IGFBP7: variants seen among roughly 807,000 people sequenced by gnomAD.
The protein encoded by IGFBP7 is insulin like growth factor binding protein 7.
IGFBP7 carries 31 observed loss-of-function variants against 29.4 expected under a neutral mutation model. That is an observed-to-expected ratio of 1.05 (90% CI 0.79 to 1.42). The LOEUF is 1.42. IGFBP7 is among the 40% of genes most tolerant of loss of function. The pLI is 0.00. For synonymous variants in IGFBP7, 172 were observed against 174.9 expected, an observed-to-expected ratio of 0.98 and a Z score of 0.13; for missense variants, 393 against 395.5, an observed-to-expected ratio of 0.99 and a Z score of 0.05.
intron 1 of IGFBP7, among the ~76,000 whole-genome samples, chr4:57,054,320 C>T (rs1578619441): frequency 2.1e-5 from 1 of 48,564 alleles, no homozygotes; most frequent in Non-Finnish European, 4.8e-5. Context: ...AACAAGAATT[C>T]TAAGCAATCT....
At chr4:57,058,436 T>G (rs181657287) in intron 1 of IGFBP7, among the ~76,000 whole-genome samples, 4 of 152,122 alleles carry the variant, frequency 2.6e-5, no homozygotes, top group African/African-American at 9.6e-5. Context: ...AGCCCAGAAA[T>G]AAGCCTGCAC....
intron 1 of IGFBP7, among the ~76,000 whole-genome samples, chr4:57,089,903 G>T (rs1393239335): frequency 6.6e-6 from 1 of 152,168 alleles, no homozygotes; most frequent in Non-Finnish European, 1.5e-5. Context: ...ATGATCTGAG[G>T]TGCAGAAGCC....
At position 57,088,989 on chromosome 4, in the gene IGFBP7, A is replaced by G. The variant is rs1268526150; in HGVS notation, c.475+20888T>C. ...AGAGGTGGCAGCGAGTGGAGATCAC[A>G]CCACTGCATTCCAGCCTGAGCAACA... is the stretch of plus-strand genomic sequence containing the variant. On this transcript the variant is annotated intron_variant, in intron 1 of 4. Transcript: ENST00000295666. 3.5e-5 allele frequency among the ~76,000 whole-genome samples: 5 copies of G among 142,502 alleles called. No homozygotes were observed. The East Asian group carries it at 1.1e-3, about 31-fold the overall frequency. 93.5% of individuals were successfully genotyped at this position (142,502 alleles called of 152,430 possible).
At chr4:57,068,244 C>T (rs964896611) in intron 1 of IGFBP7, among the ~76,000 whole-genome samples, 14 of 149,536 alleles carry the variant, frequency 9.4e-5, no homozygotes, top group East Asian at 7.9e-4. Flanking sequence ...GAGCCAAGAT[C>T]GTGCCACTGT....
At chr4:57,052,719 C>T (rs547473306) in intron 1 of IGFBP7, among the ~76,000 whole-genome samples, 29 of 152,256 alleles carry the variant, frequency 1.9e-4, no homozygotes, top group African/African-American at 6.0e-4. Flanking sequence ...CTGGTGACCG[C>T]GTGCCCAGGT....
At chr4:57,048,402 T>C (rs1724419977) in intron 1 of IGFBP7, among the ~76,000 whole-genome samples, 1 of 152,220 alleles carries the variant, frequency 6.6e-6, no homozygotes, top group Admixed American at 6.5e-5. Context: ...ACTACCAGAT[T>C]ATTTTAAGAA....
intron 1 of IGFBP7, among the ~76,000 whole-genome samples, chr4:57,108,122 A>G (rs1353842662): frequency 6.6e-6 from 1 of 152,230 alleles, no homozygotes; most frequent in Admixed American, 6.5e-5. Context: ...AAAGTAACAA[A>G]TAACTGTTTC....
chr4:57,071,501 G>A (rs1725053103), intron 1 of IGFBP7, among the ~76,000 whole-genome samples: 1 of 152,164 alleles, frequency 6.6e-6, no homozygotes, highest in South Asian at 2.1e-4. Context: ...AGCAACCCTG[G>A]ATCTCTAACA....
chr4:57,083,186 T>C (rs1725414801), intron 1 of IGFBP7, among the ~76,000 whole-genome samples: 1 of 152,196 alleles, frequency 6.6e-6, no homozygotes, highest in Admixed American at 6.5e-5. Context: ...GATTGCTGGG[T>C]CAAAGGGTAT....
chr4:57,054,356 G>A (rs2109758330), intron 1 of IGFBP7, among the ~76,000 whole-genome samples: 1 of 152,228 alleles, frequency 6.6e-6, no homozygotes, highest in African/African-American at 2.4e-5. Flanking sequence ...TGCTTGGCTG[G>A]GCACGGGGTG....
chr4:57,050,257 T>C (rs1350086156), intron 1 of IGFBP7, among the ~76,000 whole-genome samples: 5 of 151,444 alleles, frequency 3.3e-5, no homozygotes, highest in African/African-American at 1.2e-4. Context: ...TTTTTTTTTT[T>C]TTTTTGAGAC....
chr4:57,105,152 C>T (rs775692223), intron 1 of IGFBP7, among the ~76,000 whole-genome samples: 1 of 152,212 alleles, frequency 6.6e-6, no homozygotes, highest in Non-Finnish European at 1.5e-5. Flanking sequence ...TTGCTGTTCC[C>T]TTTGCTGAAA....
At chr4:57,074,151 C>A (rs917913891) in intron 1 of IGFBP7, among the ~76,000 whole-genome samples, 8 of 152,200 alleles carry the variant, frequency 5.3e-5, no homozygotes, top group South Asian at 2.1e-4. Flanking sequence ...ACCTCCACCT[C>A]CCAAGTTCAA....
At chr4:57,040,280 G>A (rs560548994) in intron 2 of IGFBP7, among the ~76,000 whole-genome samples, 1 of 152,178 alleles carries the variant, frequency 6.6e-6, no homozygotes, top group South Asian at 2.1e-4. Context: ...AGGGCTTTGT[G>A]TCCTTTTACC....
intron 1 of IGFBP7, among the ~76,000 whole-genome samples, chr4:57,088,776 C>A (rs530479875): frequency 1.3e-5 from 2 of 152,106 alleles, no homozygotes; most frequent in Admixed American, 6.6e-5. Context: ...CGTCTGTAAT[C>A]CCAGCATTTT....
Position 57,110,371 on chromosome 4 carries a change from G to T in IGFBP7, c.-20C>A. The T allele has an allele frequency of 1.5e-6, 2 of 1,327,554 alleles. No individual in the cohort carries two copies. The highest frequency in any genetic ancestry group is 1.9e-6 in the Non-Finnish European group (2 of 1,039,900). 82.2% of individuals were successfully genotyped at this position (1,327,554 alleles called of 1,614,324 possible). ...CTCCATGGCGGGGTGCGGTGGCAGC[G>T]GCAAGGGCGCGAGTGAGCCGTGTCG... On this transcript the variant is annotated 5_prime_UTR_variant, in exon 1 of 5. Transcript: ENST00000295666.
intron 1 of IGFBP7, among the ~76,000 whole-genome samples, chr4:57,086,764 G>A (rs553879845): frequency 7.2e-4 from 110 of 151,918 alleles, no homozygotes; most frequent in Non-Finnish European, 1.3e-3. Context: ...TCCGAGTTTC[G>A]CTCTTGTTGC....
chr4:57,077,541 G>C (rs1725257386), intron 1 of IGFBP7, among the ~76,000 whole-genome samples: 1 of 152,290 alleles, frequency 6.6e-6, no homozygotes, highest in East Asian at 1.9e-4. Context: ...GCATCCCAAA[G>C]TGCTAGGGTT....
intron 1 of IGFBP7, among the ~76,000 whole-genome samples, chr4:57,066,368 C>T (rs1484089666): frequency 6.6e-6 from 1 of 152,088 alleles, no homozygotes; most frequent in Admixed American, 6.5e-5. Context: ...CAATCCAAAG[C>T]CAGAACAAAG....
Sources: allele counts gnomAD v4.1 joint callset (sites outside exome capture counted in the v4.1 genomes callset), GRCh38; gene constraint gnomAD v4.1.1; transcripts MANE v1.5; gene names NCBI Gene and HGNC (gene_info 2026-07-23, HGNC 2026-07-21).